Variants in CRTC3 observed in about 807,000 individuals in gnomAD.
CRTC3 encodes CREB-regulated transcription coactivator 3.
CRTC3 carries 26 observed loss-of-function variants against 74.5 expected under a neutral mutation model. That is an observed-to-expected ratio of 0.35 (90% confidence interval 0.26 to 0.48). The LOEUF (loss-of-function observed/expected upper bound fraction) is 0.48. Among genes scored for constraint, CRTC3 ranks in the 20% least tolerant of loss-of-function variants. CRTC3 has a pLI of 0.99. For missense variants in CRTC3, 760 were observed against 787.3 expected (o/e 0.97, Z 0.41); for synonymous variants, 377 against 325.8 (o/e 1.16, Z -1.69).
At chr15:90,615,073 A>C (rs1968456069) in intron 7 of CRTC3, among the ~76,000 whole-genome samples, 1 of 151,784 alleles carries the variant, frequency 6.6e-6, no homozygotes, top group African/African-American at 2.4e-5. Flanking sequence ...AAAATAAATA[A>C]ATAAATAAAT....
intron 3 of CRTC3, chr15:90,594,611 C>G (rs530268850): frequency 6.6e-6 from 1 of 152,198 alleles, no homozygotes; most frequent in African/African-American, 2.4e-5. Flanking sequence ...GCCTAGAAAC[C>G]AGGAAGTGGG....
At chr15:90,617,315 C>T (rs1567186378) in intron 7 of CRTC3, among the ~76,000 whole-genome samples, 2 of 152,328 alleles carry the variant, frequency 1.3e-5, no homozygotes, top group East Asian at 3.9e-4. Flanking sequence ...CCCTTATCCA[C>T]TGACTAGATT....
intron 7 of CRTC3, 184 bp downstream of exon 7, chr15:90,614,672 A>G (rs1372329856): frequency 3.9e-6 from 2 of 510,014 alleles, no homozygotes; most frequent in Admixed American, 3.8e-5. Flanking sequence ...GGGCCAGGAG[A>G]AAGGAAATAT....
chr15:90,627,170 G>A (rs1226025541), intron 10 of CRTC3, among the ~76,000 whole-genome samples: 1 of 152,240 alleles, frequency 6.6e-6, no homozygotes, highest in Admixed American at 6.5e-5. Context: ...AATGATTGCA[G>A]TGATGCTGCC....
Position 90,638,618 on chromosome 15 carries a change from A to G in CRTC3, c.1439A>G (p.Gln480Arg), listed in dbSNP as rs765399427. ...CCCCAGGCAGCCTCCTCACTGCCAC[A>G]GTCAGACTTTCAGCTTCTCCCGGCC... ...QQPQAASSLP[Q>R]SDFQLLPAQG... The change falls in exon 12 of 15, where the codon CAG becomes CGG. Residue 480 changes from glutamine (Q) to arginine (R), a missense_variant. Coordinates refer to ENST00000268184, the MANE Select transcript of CRTC3 (RefSeq NM_022769.5). 6 of 1,613,484 alleles carry G rather than the reference A, an allele frequency of 3.7e-6. No individual in the cohort carries two copies. The highest frequency in any genetic ancestry group is 2.2e-5 in the East Asian group (1 of 44,882).
rs534730748 is a variant in CRTC3, at chr15:90,641,592, C to T, written c.1652-340C>T. Among the ~76,000 whole-genome samples, 21 of 151,806 alleles carry T rather than the reference C, an allele frequency of 1.4e-4. No homozygotes were observed. The East Asian group carries it at 3.7e-3, about 27-fold the overall frequency. On this transcript the variant is annotated intron_variant, in intron 14 of 14. Coordinates refer to ENST00000268184, the MANE Select transcript of CRTC3 (RefSeq NM_022769.5). ...GCGGGCGCCTGTGGTCTCAGCTACT[C>T]GGGAGGCTGAGGCAGAATGGCACCA... is the stretch of plus-strand genomic sequence containing the variant.
intron 1 of CRTC3, among the ~76,000 whole-genome samples, chr15:90,538,185 A>G (rs966994416): frequency 1.3e-5 from 2 of 152,278 alleles, no homozygotes; most frequent in Non-Finnish European, 2.9e-5. Flanking sequence ...CCTTCAAAAA[A>G]GAAATCAAAG....
Position 90,643,913 on chromosome 15 carries a change from A to C in CRTC3, c.*1773A>C. 2 of 232,768 alleles carry C rather than the reference A, an allele frequency of 8.6e-6. No individual in the cohort carries two copies. The highest frequency in any genetic ancestry group is 1.7e-5 in the Non-Finnish European group (2 of 117,782). The allele number at this position is 232,768 out of a possible 1,614,324, so 14.4% of individuals were successfully genotyped here. A position where few individuals can be genotyped will look rare whatever the true frequency, so the allele number is the denominator to read the frequency against. ...TGTACAATGAGGGTCTGAATCTGGC[A>C]CACCTGTCCCTTATGTAAAAGGAGT... On this transcript the variant is annotated 3_prime_UTR_variant, in exon 15 of 15. Transcript: ENST00000268184.
At chr15:90,626,085 G>A (rs1968825834) in intron 10 of CRTC3, 92 bp downstream of exon 10, 1 of 923,630 alleles carries the variant, frequency 1.1e-6, no homozygotes, top group African/African-American at 1.6e-5. Context: ...GAATGAGAAT[G>A]ACTGCATCCC....
intron 14 of CRTC3, 53 bp downstream of exon 14, chr15:90,641,252 A>G (rs1293090654): frequency 8.4e-7 from 1 of 1,188,378 alleles, no homozygotes; most frequent in Non-Finnish European, 1.3e-6. Flanking sequence ...TTGTGTGTTC[A>G]GGAACCTTCA....
chr15:90,575,016 A>AT (rs11326628), intron 2 of CRTC3, among the ~76,000 whole-genome samples: 2 of 151,958 alleles, frequency 1.3e-5, no homozygotes, highest in Middle Eastern at 3.4e-3. Flanking sequence ...TTATACTGAA[A>AT]TTTTTTTTCT....
intron 2 of CRTC3, among the ~76,000 whole-genome samples, chr15:90,574,476 C>T (rs1475451489): frequency 6.7e-6 from 1 of 149,222 alleles, no homozygotes; most frequent in African/African-American, 2.4e-5. Flanking sequence ...GACTCTGTCT[C>T]AAAACAAAAC....
intron 6 of CRTC3, among the ~76,000 whole-genome samples, chr15:90,611,744 C>T (rs1452600482): frequency 2.0e-5 from 3 of 152,160 alleles, no homozygotes; most frequent in Admixed American, 6.5e-5. Flanking sequence ...CAGTATCCTA[C>T]TTGGTTCCTG....
chr15:90,638,948 A>T, intron 13 of CRTC3, 133 bp downstream of exon 13: 1 of 765,004 alleles, frequency 1.3e-6, no homozygotes. Context: ...CTGTGGCTAG[A>T]AGAGCCTTTC....
intron 2 of CRTC3, among the ~76,000 whole-genome samples, chr15:90,540,590 T>C (rs1245384735): frequency 6.6e-6 from 1 of 152,038 alleles, no homozygotes; most frequent in Non-Finnish European, 1.5e-5. Flanking sequence ...CCGGTCAACA[T>C]GGTGAAACCC....
intron 5 of CRTC3, among the ~76,000 whole-genome samples, chr15:90,606,124 C>T (rs923986196): frequency 2.0e-5 from 3 of 151,894 alleles, no homozygotes; most frequent in South Asian, 4.2e-4. Context: ...GGCATGGTAG[C>T]GGGTTCCTGT....
At chr15:90,630,507 C>A (rs141443302) in intron 11 of CRTC3, among the ~76,000 whole-genome samples, 1 of 152,236 alleles carries the variant, frequency 6.6e-6, no homozygotes, top group East Asian at 1.9e-4. Context: ...CCCAGCTACT[C>A]CAGAGCGGAG....
rs1000569837 is a variant in CRTC3, at chr15:90,642,447, G to A, written c.*307G>A. ...TACTGGCCATCCAGTCAGCCGATGT[G>A]TAAGAGTAGGAAATACTGTGTCACT... On this transcript the variant is annotated 3_prime_UTR_variant, in exon 15 of 15. Coordinates refer to ENST00000268184, the MANE Select transcript of CRTC3 (RefSeq NM_022769.5). 3 of 463,084 alleles carry A rather than the reference G, an allele frequency of 6.5e-6. No individual in the cohort carries two copies. The highest frequency in any genetic ancestry group is 1.2e-5 in the Non-Finnish European group (3 of 251,202). 28.7% of individuals were successfully genotyped at this position (463,084 alleles called of 1,614,324 possible).
At chr15:90,630,461 A>G (rs1320971926) in intron 11 of CRTC3, among the ~76,000 whole-genome samples, 13 of 152,198 alleles carry the variant, frequency 8.5e-5, no homozygotes, top group Non-Finnish European at 1.3e-4. Flanking sequence ...CAAAAAATGG[A>G]AAAATTAGCT....
Sources: allele counts gnomAD v4.1 joint callset (sites outside exome capture counted in the v4.1 genomes callset), GRCh38; gene constraint gnomAD v4.1.1; transcripts MANE v1.5; gene names NCBI Gene and HGNC (gene_info 2026-07-23, HGNC 2026-07-21).